FGD4: variants seen among roughly 807,000 people sequenced by gnomAD.
FGD4 encodes the protein FYVE, RhoGEF and PH domain containing 4, also known as FYVE, RhoGEF and PH domain-containing protein 4.
A neutral mutation model predicts 102.0 loss-of-function variants in FGD4; 42 were observed. The ratio of observed to expected loss-of-function variants is 0.41; its 90% CI spans 0.32 to 0.53. The LOEUF (loss-of-function observed/expected upper bound fraction) is 0.53, where lower values mean the gene tolerates loss of function less well. FGD4 is among the 20% of genes least tolerant of loss of function. The pLI, the probability that FGD4 is intolerant of heterozygous loss-of-function variation, is 0.21. For synonymous variants in FGD4, 380 were observed against 375.7 expected (o/e 1.01, Z -0.13); for missense variants, 902 against 1,078.2 (o/e 0.84, Z 2.29).
At chr12:32,542,649 G>A (rs1452729946) in intron 1 of FGD4, among the ~76,000 whole-genome samples, 1 of 152,208 alleles carries the variant, frequency 6.6e-6, no homozygotes, top group East Asian at 1.9e-4. Context: ...AAATGAGTTG[G>A]CTACAGCTCT....
At chr12:32,596,950 C>A (rs1434624435) in intron 4 of FGD4, among the ~76,000 whole-genome samples, 85 of 146,562 alleles carry the variant, frequency 5.8e-4, no homozygotes, top group African/African-American at 1.7e-3. Flanking sequence ...AAAAAAAAAA[C>A]AAAAAGAGAA....
At chr12:32,600,275 G>A (rs140020930) in intron 5 of FGD4, 2 of 234,390 alleles carry the variant, frequency 8.5e-6, no homozygotes, top group South Asian at 4.7e-5. Context: ...TTATCAAGTT[G>A]TGTGGTTTTC....
intron 1 of FGD4, among the ~76,000 whole-genome samples, chr12:32,461,633 A>G (rs1393771950): frequency 6.6e-6 from 1 of 152,190 alleles, no homozygotes; most frequent in East Asian, 1.9e-4. Flanking sequence ...AATGTTGTAC[A>G]TTTTAAAAAT....
At chr12:32,589,507 T>C (rs1947305424) in intron 4 of FGD4, among the ~76,000 whole-genome samples, 1 of 152,244 alleles carries the variant, frequency 6.6e-6, no homozygotes, top group Non-Finnish European at 1.5e-5. Context: ...TGACTAAGTC[T>C]TTAGACAGGT....
Position 32,640,410 on chromosome 12 carries a change from A to G in FGD4, c.2589A>G (p.Glu863=). 3 of 1,614,174 alleles carry G rather than the reference A, an allele frequency of 1.9e-6. No homozygotes were observed. Among genetic ancestry groups the G allele is most frequent in the Non-Finnish European group, 2.5e-6 (3 of 1,180,020 alleles). The part of the protein sequence containing the change: ...SVHSFAADSE[E]LKQKWLKVIL... ...ACAGCTTTGCTGCAGACAGTGAGGA[A>G]CTGAAGCAGAAGTGGCTGAAAGTCA... The change falls in exon 17 of 17, where the codon GAA becomes GAG. Residue 863 remains glutamate (E), a synonymous_variant. Coordinates refer to ENST00000534526, the MANE Select transcript of FGD4 (RefSeq NM_001370298.3).
At chr12:32,443,955 C>A (rs985759581) in intron 1 of FGD4, among the ~76,000 whole-genome samples, 1 of 151,260 alleles carries the variant, frequency 6.6e-6, no homozygotes, top group Admixed American at 6.6e-5. Flanking sequence ...AAAAACAATT[C>A]TATGGAGATG....
rs533923039 is a variant in FGD4 at position 32,640,028 on chromosome 12, G to T, written c.2455-248G>T. On this transcript the variant is annotated intron_variant, in intron 16 of 16. Transcript: ENST00000534526. ...AGAGTTGAAAGGCTCTTTTCACAGAGAGGAGGGTGTAGTGTCTCTGAGTCC... is the reference window on the plus strand; with the variant it reads ...AGAGTTGAAAGGCTCTTTTCACAGATAGGAGGGTGTAGTGTCTCTGAGTCC... 3.3e-5 allele frequency among the ~76,000 whole-genome samples: 5 copies of T among 151,712 alleles called. No individual in the cohort carries two copies. The East Asian group carries it at 9.7e-4, about 29-fold the overall frequency.
chr12:32,555,081 TC>T (rs1228118983), intron 1 of FGD4, among the ~76,000 whole-genome samples: 1 of 152,172 alleles, frequency 6.6e-6, no homozygotes, highest in Non-Finnish European at 1.5e-5. Context: ...GGAGCAGGGG[TC>T]TTACTGCTGT....
intron 1 of FGD4, among the ~76,000 whole-genome samples, chr12:32,441,406 C>T (rs73301543): frequency 0.016 from 2,386 of 152,076 alleles, 53 homozygotes; most frequent in African/African-American, 0.054. Context: ...GCAGCGGGTT[C>T]CCTTGTGACC....
intron 1 of FGD4, among the ~76,000 whole-genome samples, chr12:32,446,153 T>C (rs895308341): frequency 6.6e-6 from 1 of 152,150 alleles, no homozygotes; most frequent in Non-Finnish European, 1.5e-5. Flanking sequence ...AGACCTTGTC[T>C]CAAAAAATAA....
At chr12:32,515,203 A>G (rs1200258257) in intron 1 of FGD4, among the ~76,000 whole-genome samples, 2 of 152,226 alleles carry the variant, frequency 1.3e-5, no homozygotes, top group African/African-American at 2.4e-5. Flanking sequence ...AACAGGGACT[A>G]TACCACCTTG....
At chr12:32,420,260 T>C (rs1263334696) in intron 1 of FGD4, among the ~76,000 whole-genome samples, 4 of 152,160 alleles carry the variant, frequency 2.6e-5, no homozygotes, top group African/African-American at 9.7e-5. Flanking sequence ...AGCTTTTGTG[T>C]ATCTCTAATC....
At chr12:32,572,348 C>A (rs1293172440) in intron 2 of FGD4, among the ~76,000 whole-genome samples, 1 of 152,114 alleles carries the variant, frequency 6.6e-6, no homozygotes, top group Non-Finnish European at 1.5e-5. Context: ...CTCTAGGGAG[C>A]TTAACAATCA....
At chr12:32,622,324 T>C (rs1197146339) in intron 11 of FGD4, among the ~76,000 whole-genome samples, 1 of 152,226 alleles carries the variant, frequency 6.6e-6, no homozygotes, top group Non-Finnish European at 1.5e-5. Context: ...GGTTTCTTAG[T>C]TTGCCTGAAT....
chr12:32,468,972 C>T (rs1358585001), intron 1 of FGD4, among the ~76,000 whole-genome samples: 2 of 151,314 alleles, frequency 1.3e-5, no homozygotes, highest in Non-Finnish European at 3.0e-5. Flanking sequence ...ATTACAGGCG[C>T]CTGCCACCAC....
At chr12:32,624,067 G>T (rs1950003371) in intron 11 of FGD4, among the ~76,000 whole-genome samples, 1 of 152,126 alleles carries the variant, frequency 6.6e-6, no homozygotes, top group African/African-American at 2.4e-5. Context: ...GCCTTTAGTA[G>T]CCTTCATGTG....
intron 2 of FGD4, among the ~76,000 whole-genome samples, chr12:32,564,535 T>G (rs1266763945): frequency 6.6e-6 from 1 of 152,254 alleles, no homozygotes; most frequent in Non-Finnish European, 1.5e-5. Context: ...GCATGTCATC[T>G]TAACGGAACT....
At chr12:32,639,164 G>A (rs1951019522) in intron 16 of FGD4, among the ~76,000 whole-genome samples, 1 of 152,010 alleles carries the variant, frequency 6.6e-6, no homozygotes, top group Non-Finnish European at 1.5e-5. Flanking sequence ...TTTGTTTGTT[G>A]TGTTGTTGTT....
chr12:32,631,472 T>C (rs952840465), intron 14 of FGD4, among the ~76,000 whole-genome samples: 3 of 152,114 alleles, frequency 2.0e-5, no homozygotes, highest in Non-Finnish European at 2.9e-5. Context: ...TACAGTACTT[T>C]TGTGATTAAA....
Sources: gnomAD v4.1 joint callset for allele counts (sites outside exome capture counted in the v4.1 genomes callset) on GRCh38, gnomAD v4.1.1 for gene constraint, MANE v1.5 for transcripts, NCBI Gene and HGNC (gene_info 2026-07-23, HGNC 2026-07-21) for gene names.